Variants in ZFPM2 observed in about 807,000 individuals in gnomAD.
ZFPM2 encodes the protein zinc finger protein ZFPM2.
In ZFPM2, 20 loss-of-function variants were observed where a neutral mutation model predicts 98.6. The ratio of observed to expected loss-of-function variants is 0.20; its 90% CI spans 0.14 to 0.29. The LOEUF (loss-of-function observed/expected upper bound fraction) is 0.29. ZFPM2 is among the 10% of genes least tolerant of loss of function. ZFPM2 has a pLI of 1.00. For missense variants in ZFPM2, 1,310 were observed against 1,388.6 expected (o/e 0.94, Z 0.90); for synonymous variants, 518 against 502.7 (o/e 1.03, Z -0.41).
At chr8:105,679,009 A>G (rs1271294716) in intron 5 of ZFPM2, 1 of 152,178 alleles carries the variant, frequency 6.6e-6, no homozygotes, top group African/African-American at 2.4e-5. Context: ...GTGACCTTAA[A>G]CAAATAAAAA....
chr8:105,634,017 A>G (rs988378531), intron 4 of ZFPM2, among the ~76,000 whole-genome samples: 43 of 71,494 alleles, frequency 6.0e-4, no homozygotes, highest in African/African-American at 1.7e-3. Flanking sequence ...ATCATTTAGG[A>G]AAAAAAAAAA....
chr8:105,364,928 G>T (rs969291330), intron 1 of ZFPM2, among the ~76,000 whole-genome samples: 1 of 151,968 alleles, frequency 6.6e-6, no homozygotes, highest in Non-Finnish European at 1.5e-5. Context: ...TGCACCTCCC[G>T]TTTAGTCCTT....
chr8:105,452,763 A>G (rs181116106), intron 3 of ZFPM2, among the ~76,000 whole-genome samples: 2,193 of 152,066 alleles, frequency 0.014, 54 homozygotes, highest in African/African-American at 0.049. Context: ...AACAACAACA[A>G]CAACAAAACA....
intron 1 of ZFPM2, among the ~76,000 whole-genome samples, chr8:105,408,231 C>T (rs998323465): frequency 2.6e-5 from 4 of 151,872 alleles, no homozygotes; most frequent in African/African-American, 9.7e-5. Flanking sequence ...ATAGCTATGT[C>T]GAGTGCCTCT....
chr8:105,527,302 C>A (rs577139386), intron 3 of ZFPM2, among the ~76,000 whole-genome samples: 1 of 152,080 alleles, frequency 6.6e-6, no homozygotes, highest in Admixed American at 6.6e-5. Flanking sequence ...TTGGCAAGGA[C>A]GACCTGGAAA....
intron 3 of ZFPM2, among the ~76,000 whole-genome samples, chr8:105,540,180 A>AT (rs1294705373): frequency 6.6e-6 from 1 of 152,080 alleles, no homozygotes; most frequent in Non-Finnish European, 1.5e-5. Context: ...TTCTTACATG[A>AT]TAACAATTCA....
intron 4 of ZFPM2, among the ~76,000 whole-genome samples, chr8:105,597,645 A>G (rs1235236933): frequency 2.0e-5 from 3 of 152,164 alleles, no homozygotes; most frequent in African/African-American, 7.2e-5. Context: ...GATAAATATT[A>G]TAATAATGAT....
chr8:105,465,511 C>A (rs980625042), intron 3 of ZFPM2, among the ~76,000 whole-genome samples: 4 of 151,506 alleles, frequency 2.6e-5, no homozygotes, highest in African/African-American at 9.7e-5. Context: ...AAACGCAAAG[C>A]CAACAAATAC....
At chr8:105,615,583 T>C (rs1563744095) in intron 4 of ZFPM2, among the ~76,000 whole-genome samples, 1 of 152,156 alleles carries the variant, frequency 6.6e-6, no homozygotes. Flanking sequence ...TTCAAATTGC[T>C]AAATGTTAAA....
intron 1 of ZFPM2, among the ~76,000 whole-genome samples, chr8:105,350,130 T>G (rs116388840): frequency 6.6e-6 from 1 of 152,122 alleles, no homozygotes; most frequent in African/African-American, 2.4e-5. Context: ...TAAAGAAAAA[T>G]ATTTTAAATT....
chr8:105,557,525 G>C (rs1251614422), intron 3 of ZFPM2, among the ~76,000 whole-genome samples: 1 of 152,042 alleles, frequency 6.6e-6, no homozygotes, highest in East Asian at 1.9e-4. Context: ...TAACATTCTA[G>C]GATTCTCTCT....
At chr8:105,443,074 C>T (rs375423538) in intron 2 of ZFPM2, among the ~76,000 whole-genome samples, 35 of 151,700 alleles carry the variant, frequency 2.3e-4, no homozygotes, top group Admixed American at 5.9e-4. Flanking sequence ...TGTGGGAGGC[C>T]GAGGCAGGTG....
At chr8:105,486,542 A>G (rs1370619684) in intron 3 of ZFPM2, among the ~76,000 whole-genome samples, 2 of 152,154 alleles carry the variant, frequency 1.3e-5, no homozygotes, top group Non-Finnish European at 2.9e-5. Flanking sequence ...ATTTTCAGAA[A>G]TAGGGAAAGG....
chr8:105,334,803 T>C (rs1812296411), intron 1 of ZFPM2, among the ~76,000 whole-genome samples: 2 of 151,720 alleles, frequency 1.3e-5, no homozygotes, highest in African/African-American at 2.4e-5. Context: ...AGTTTTAAAT[T>C]GGCCCTGGGC....
intron 3 of ZFPM2, among the ~76,000 whole-genome samples, chr8:105,515,834 T>C (rs1261242507): frequency 2.0e-5 from 3 of 151,882 alleles, no homozygotes; most frequent in African/African-American, 7.3e-5. Flanking sequence ...AATATGAACA[T>C]TAACTCTGAT....
chr8:105,353,081 A>G (rs1812678998), intron 1 of ZFPM2, among the ~76,000 whole-genome samples: 1 of 152,178 alleles, frequency 6.6e-6, no homozygotes, highest in Non-Finnish European at 1.5e-5. Flanking sequence ...GAGTCATCCT[A>G]CTGTCTAAGC....
chr8:105,381,887 CATG>C lies in ZFPM2; in HGVS notation c.41-37254_41-37252del, dbSNP rs531752198. 3.3e-3 allele frequency among the ~76,000 whole-genome samples: 500 copies of C among 152,124 alleles called. 3 individuals are homozygous for C. The highest frequency in any genetic ancestry group is 0.011 in the African/African-American group (458 of 41,516). ...TACTTTTGAAAGACTACACTGTCAA[CATG>C]ATATAGGCTATAAGTTGAAGTTGTA... On this transcript the variant is annotated intron_variant, in intron 1 of 7. Transcript: ENST00000407775.
chr8:105,395,948 G>A (rs1026778590), intron 1 of ZFPM2, among the ~76,000 whole-genome samples: 5 of 152,188 alleles, frequency 3.3e-5, no homozygotes, highest in African/African-American at 1.2e-4. Flanking sequence ...TACGACTTCT[G>A]AGACTAATGA....
At chr8:105,752,269 A>T (rs1274014024) in intron 5 of ZFPM2, among the ~76,000 whole-genome samples, 2 of 152,146 alleles carry the variant, frequency 1.3e-5, no homozygotes, top group Non-Finnish European at 2.9e-5. Flanking sequence ...AAATGATGTG[A>T]TTCTAGGGTT....
Sources: allele counts gnomAD v4.1 joint callset (sites outside exome capture counted in the v4.1 genomes callset), GRCh38; gene constraint gnomAD v4.1.1; transcripts MANE v1.5; gene names NCBI Gene and HGNC (gene_info 2026-07-23, HGNC 2026-07-21).